Variants in RANBP2 observed in about 807,000 individuals in gnomAD.
The protein encoded by RANBP2 is RAN binding protein 2, also known as E3 SUMO-protein ligase RanBP2.
Under a neutral mutation model 303.6 loss-of-function variants are expected in RANBP2, and 57 were observed. The ratio of observed to expected loss-of-function variants is 0.19; its 90% CI spans 0.15 to 0.23. The LOEUF (loss-of-function observed/expected upper bound fraction) is 0.23. RANBP2 is among the 10% of genes least tolerant of loss of function. The probability of loss-of-function intolerance (pLI) is 1.00; values close to 1 mark genes in which losing one functional copy is unlikely to be tolerated. For missense variants in RANBP2, 3,138 were observed against 3,780.8 expected, an observed-to-expected ratio of 0.83 and a Z score of 4.46; for synonymous variants, 1,167 against 1,301.5, an observed-to-expected ratio of 0.90 and a Z score of 2.23.
At chr2:109,584,587 T>C in the RANBP2 span, among the ~76,000 whole-genome samples, 1 of 151,738 alleles carries the variant, frequency 6.6e-6, no homozygotes, top group South Asian at 2.1e-4. Context: ...TGATAGAGCA[T>C]AGAATCTCTA....
chr2:109,433,052 G>C, the RANBP2 span, among the ~76,000 whole-genome samples: 1 of 152,334 alleles, frequency 6.6e-6, no homozygotes, highest in East Asian at 1.9e-4. Context: ...ACGCTTCTGT[G>C]TGCTTGTGTG....
At chr2:108,877,225 T>C in the RANBP2 span, among the ~76,000 whole-genome samples, 1 of 152,082 alleles carries the variant, frequency 6.6e-6, no homozygotes, top group Admixed American at 6.6e-5. Context: ...CCCAGCACTC[T>C]AGGAGGCTGA....
the RANBP2 span, among the ~76,000 whole-genome samples, chr2:108,974,679 G>A: frequency 8.5e-5 from 13 of 152,106 alleles, no homozygotes; most frequent in Non-Finnish European, 1.8e-4. Context: ...TCAGTGAGCC[G>A]AGATAGCGCC....
chr2:108,777,049 C>T, intron 24 of RANBP2, 81 bp from the exon 25 acceptor site: 2 of 1,163,836 alleles, frequency 1.7e-6, no homozygotes, highest in East Asian at 5.0e-5. Flanking sequence ...CAAGTCTCTA[C>T]TGTTCTCTCT....
chr2:109,648,953 G>A, the RANBP2 span, among the ~76,000 whole-genome samples: 68 of 152,242 alleles, frequency 4.5e-4, no homozygotes, highest in South Asian at 5.8e-3. Context: ...TCTGCTGTGC[G>A]GAGGATGGAC....
chr2:109,649,822 A>G, the RANBP2 span, among the ~76,000 whole-genome samples: 15 of 152,242 alleles, frequency 9.9e-5, no homozygotes, highest in African/African-American at 3.4e-4. Flanking sequence ...CCTGATTTCT[A>G]GAACACAAAT....
the RANBP2 span, among the ~76,000 whole-genome samples, chr2:109,276,527 T>C: frequency 7.2e-5 from 11 of 152,196 alleles, no homozygotes; most frequent in Admixed American, 7.2e-4. Flanking sequence ...ATGTATTTTC[T>C]CACCTGGAAA....
the RANBP2 span, among the ~76,000 whole-genome samples, chr2:109,727,304 G>A: frequency 1.3e-5 from 2 of 152,146 alleles, no homozygotes; most frequent in East Asian, 3.9e-4. Context: ...TAACCTGTGG[G>A]AAACGATGAA....
At chr2:109,608,820 C>T in the RANBP2 span, among the ~76,000 whole-genome samples, 1 of 152,150 alleles carries the variant, frequency 6.6e-6, no homozygotes, top group Middle Eastern at 3.4e-3. Flanking sequence ...ATCAACCTTC[C>T]AGATATTATC....
the RANBP2 span, chr2:109,545,244 C>A: frequency 2.2e-6 from 3 of 1,359,174 alleles, no homozygotes; most frequent in East Asian, 9.1e-5. Context: ...TGATGAATTT[C>A]CTCAAGAGCC....
chr2:108,959,710 TC>T, the RANBP2 span, among the ~76,000 whole-genome samples: 1 of 152,164 alleles, frequency 6.6e-6, no homozygotes, highest in Non-Finnish European at 1.5e-5. Context: ...AGTGGAGATT[TC>T]GCCTTTCCCC....
the RANBP2 span, among the ~76,000 whole-genome samples, chr2:109,108,103 C>T: frequency 6.6e-6 from 1 of 152,198 alleles, no homozygotes; most frequent in Non-Finnish European, 1.5e-5. Context: ...GACGGGGTTT[C>T]ACCATGTTAG....
the RANBP2 span, among the ~76,000 whole-genome samples, chr2:108,840,986 G>GT: frequency 6.6e-6 from 1 of 151,138 alleles, no homozygotes; most frequent in Non-Finnish European, 1.5e-5. Flanking sequence ...TAATTTTTGT[G>GT]TTTTTTGTGT....
At chr2:109,058,449 G>T in the RANBP2 span, among the ~76,000 whole-genome samples, 2 of 152,202 alleles carry the variant, frequency 1.3e-5, no homozygotes, top group African/African-American at 4.8e-5. Context: ...CTTAGGAAAA[G>T]GCTCTCGGCT....
At chr2:108,751,078 TAATC>T (rs1391472823) in intron 9 of RANBP2, among the ~76,000 whole-genome samples, 182 bp from the exon 10 acceptor site, 15 of 152,314 alleles carry the variant, frequency 9.8e-5, no homozygotes, top group Admixed American at 2.0e-4. Context: ...TTTCTAGAAA[TAATC>T]AAGTGAGAAT....
the RANBP2 span, among the ~76,000 whole-genome samples, chr2:109,386,358 G>A: frequency 7.2e-5 from 11 of 152,124 alleles, no homozygotes; most frequent in East Asian, 1.4e-3. Flanking sequence ...AGGTCAGGCC[G>A]TACATGAAGC....
chr2:109,547,369 G>GTT, the RANBP2 span, among the ~76,000 whole-genome samples: 9,141 of 117,712 alleles, frequency 0.078, 679 homozygotes, highest in East Asian at 0.26. Context: ...TAATAAACTT[G>GTT]TTTTTTTTTT....
chr2:109,492,107 C>G, the RANBP2 span, among the ~76,000 whole-genome samples: 1 of 152,206 alleles, frequency 6.6e-6, no homozygotes, highest in Non-Finnish European at 1.5e-5. Flanking sequence ...ACGGTGGAAG[C>G]GTGGCCACAC....
chr2:109,171,936 T>C, the RANBP2 span, among the ~76,000 whole-genome samples: 1 of 152,224 alleles, frequency 6.6e-6, no homozygotes, highest in Non-Finnish European at 1.5e-5. Flanking sequence ...CAGCCTTGAC[T>C]CCCTCCTTTC....
Sources: gnomAD v4.1 joint callset for allele counts (sites outside exome capture counted in the v4.1 genomes callset) on GRCh38, gnomAD v4.1.1 for gene constraint, MANE v1.5 for transcripts, NCBI Gene and HGNC (gene_info 2026-07-23, HGNC 2026-07-21) for gene names.